Variants in MEI1 observed in about 807,000 individuals in gnomAD.
The protein encoded by MEI1 is meiosis inhibitor protein 1.
MEI1 carries 103 observed loss-of-function variants against 146.2 expected under a neutral mutation model. The observed-to-expected ratio is 0.70, with a 90% CI of 0.60 to 0.83. The LOEUF is 0.83. Among genes scored for constraint, MEI1 ranks in the 40% least tolerant of loss-of-function variants. MEI1 has a pLI of 0.00. For missense variants in MEI1, 1,529 were observed against 1,533.0 expected (o/e 1.00, Z 0.04); for synonymous variants, 652 against 628.2 (o/e 1.04, Z -0.57).
At chr22:41,756,251 C>T (rs1462686130) in intron 17 of MEI1, among the ~76,000 whole-genome samples, 1 of 151,806 alleles carries the variant, frequency 6.6e-6, no homozygotes, top group Non-Finnish European at 1.5e-5. Flanking sequence ...TCTTGTGTCT[C>T]AGCCTCACGA....
At chr22:41,798,493 A>C (rs1406183470) in intron 30 of MEI1, among the ~76,000 whole-genome samples, 1 of 151,842 alleles carries the variant, frequency 6.6e-6, no homozygotes, top group Non-Finnish European at 1.5e-5. Context: ...CAGGAGAATC[A>C]CTGGAACCTG....
intron 11 of MEI1, among the ~76,000 whole-genome samples, chr22:41,742,649 C>A (rs1409653722): frequency 6.6e-6 from 1 of 152,116 alleles, no homozygotes; most frequent in African/African-American, 2.4e-5. Context: ...GTTAGATAAG[C>A]ATTGAAGTAA....
chr22:41,730,688 G>T, intron 9 of MEI1, 51 bp downstream of exon 9: 3 of 1,241,538 alleles, frequency 2.4e-6, no homozygotes, highest in Non-Finnish European at 3.6e-6. Context: ...ACGGCAGTTT[G>T]CACTTGGGTA....
chr22:41,777,872 C>T (rs1289929886), intron 21 of MEI1, among the ~76,000 whole-genome samples: 4 of 150,910 alleles, frequency 2.7e-5, no homozygotes, highest in African/African-American at 7.3e-5. Context: ...TTCCTTCCTT[C>T]GTTCCTTCCT....
intron 15 of MEI1, among the ~76,000 whole-genome samples, chr22:41,750,073 C>A (rs1179189575): frequency 2.0e-5 from 3 of 152,114 alleles, no homozygotes; most frequent in Non-Finnish European, 4.4e-5. Flanking sequence ...ATATTGGGCA[C>A]CTACTGCATG....
intron 15 of MEI1, among the ~76,000 whole-genome samples, chr22:41,751,295 G>T (rs1345161824): frequency 2.0e-5 from 3 of 152,162 alleles, no homozygotes; most frequent in Non-Finnish European, 2.9e-5. Context: ...TTTAGCCCCA[G>T]GATAAAATAC....
rs865945566 is a variant in MEI1, at chr22:41,752,090, G to T, written c.1793-501G>T. On this transcript the variant is annotated intron_variant, in intron 15 of 30. Coordinates refer to ENST00000401548, the MANE Select transcript of MEI1 (RefSeq NM_152513.4). The stretch of plus-strand genomic sequence containing the variant: ...TCTCAGGAAAAAAAAAAAAAGAAAA[G>T]AAACTGTTATTGGACCTCTGTTCTG... Among the ~76,000 whole-genome samples the T allele has an allele frequency of 2.6e-5, 4 of 151,446 alleles. No individual in the cohort carries two copies. In the South Asian group the frequency reaches 8.3e-4, roughly 32 times the overall value.
At chr22:41,759,660 TAA>T (rs1469695641) in intron 18 of MEI1, among the ~76,000 whole-genome samples, 2 of 96,432 alleles carry the variant, frequency 2.1e-5, no homozygotes, top group Non-Finnish European at 4.7e-5. Context: ...AATAAATAAA[TAA>T]AAATAAAAAT....
Position 41,732,471 on chromosome 22 carries a change from A to AGCCAGAGGAGATC in MEI1, c.1200_1212dup (p.Lys405AlafsTer25), listed in dbSNP as rs1430712330. 2 of 1,613,820 alleles carry AGCCAGAGGAGATC rather than the reference A, an allele frequency of 1.2e-6. No homozygotes were observed. The highest frequency in any genetic ancestry group is 1.7e-6 in the Non-Finnish European group (2 of 1,179,886). On this transcript the variant is annotated frameshift_variant, in exon 11 of 31. Coordinates refer to ENST00000401548, the MANE Select transcript of MEI1 (RefSeq NM_152513.4). LOFTEE classifies it high-confidence loss of function. Reference sequence around the variant, plus strand: ...GTTTCTCATCTTCCATTTCTCAGGCAGCCAGAGGAGATCAAGCTGTTCACA... The same window carrying AGCCAGAGGAGATC: ...GTTTCTCATCTTCCATTTCTCAGGCAGCCAGAGGAGATCGCCAGAGGAGATCAAGCTGTTCACA...
intron 11 of MEI1, among the ~76,000 whole-genome samples, chr22:41,735,306 A>G (rs2072255670): frequency 7.2e-6 from 1 of 138,010 alleles, no homozygotes; most frequent in South Asian, 2.2e-4. Flanking sequence ...ATCTCGGCTC[A>G]CCACAACCTC....
chr22:41,735,153 G>A (rs142995964), intron 11 of MEI1, among the ~76,000 whole-genome samples: 1,766 of 151,332 alleles, frequency 0.012, 40 homozygotes, highest in African/African-American at 0.041. Context: ...TAGTAGAGAC[G>A]GGGTTTCACT....
chr22:41,774,526 T>A (rs1214041168), intron 20 of MEI1: 5 of 152,212 alleles, frequency 3.3e-5, no homozygotes, highest in Non-Finnish European at 7.3e-5. Context: ...CTAGATTCTC[T>A]CTAGCCCTCC....
At chr22:41,746,551 G>C (rs1216779377) in intron 14 of MEI1, among the ~76,000 whole-genome samples, 5 of 152,168 alleles carry the variant, frequency 3.3e-5, no homozygotes, top group African/African-American at 1.2e-4. Flanking sequence ...TCTGAAGAGA[G>C]ACTTGATCCT....
At chr22:41,703,575 G>A (rs1333721770) in intron 2 of MEI1, 121 bp downstream of exon 2, 32 of 902,608 alleles carry the variant, frequency 3.5e-5, no homozygotes, top group Non-Finnish European at 4.6e-5. Context: ...TACTTTATCA[G>A]CAAATTGTTT....
intron 18 of MEI1, among the ~76,000 whole-genome samples, chr22:41,760,078 G>C (rs566821715): frequency 1.0e-3 from 159 of 152,212 alleles, no homozygotes; most frequent in African/African-American, 3.5e-3. Flanking sequence ...GGGAGGCCGA[G>C]ATGGGTGGAT....
At chr22:41,797,499 C>A (rs2076404733) in intron 30 of MEI1, among the ~76,000 whole-genome samples, 1 of 152,028 alleles carries the variant, frequency 6.6e-6, no homozygotes, top group African/African-American at 2.4e-5. Context: ...GTGATCCCAG[C>A]TACTTAGGAG....
chr22:41,792,292 A>C (rs2076207391), intron 26 of MEI1, among the ~76,000 whole-genome samples: 1 of 152,190 alleles, frequency 6.6e-6, no homozygotes, highest in Admixed American at 6.5e-5. Flanking sequence ...AGTGCTGATC[A>C]GCTATGCAGA....
At chr22:41,768,361 T>C (rs138611012) in intron 19 of MEI1, among the ~76,000 whole-genome samples, 2,432 of 148,522 alleles carry the variant, frequency 0.016, 47 homozygotes, top group Admixed American at 0.059. Flanking sequence ...TGCATTCCAG[T>C]CTGGGTGACA....
At chr22:41,752,551 G>A (rs780805713) in intron 15 of MEI1, 40 bp from the exon 16 acceptor site, 56 of 1,549,914 alleles carry the variant, frequency 3.6e-5, no homozygotes, top group Non-Finnish European at 4.6e-5. Flanking sequence ...TGACAAGTCT[G>A]GTTTAAACTG....
Sources: gnomAD v4.1 joint callset for allele counts (sites outside exome capture counted in the v4.1 genomes callset) on GRCh38, gnomAD v4.1.1 for gene constraint, MANE v1.5 for transcripts, NCBI Gene and HGNC (gene_info 2026-07-23, HGNC 2026-07-21) for gene names.